Variants in PROM1 observed in about 807,000 individuals in gnomAD.
The protein encoded by PROM1 is prominin-1.
PROM1 carries 105 observed loss-of-function variants against 116.9 expected under a neutral mutation model. The observed-to-expected ratio is 0.90, with a 90% CI of 0.77 to 1.06. The LOEUF (loss-of-function observed/expected upper bound fraction) is 1.06. PROM1 is among the 50% of genes least tolerant of loss of function. The probability of loss-of-function intolerance (pLI) is 0.00; values close to 1 mark genes in which losing one functional copy is unlikely to be tolerated. For synonymous variants in PROM1, 393 were observed against 387.0 expected, an observed-to-expected ratio of 1.02 and a Z score of -0.18; for missense variants, 1,122 against 1,045.2, an observed-to-expected ratio of 1.07 and a Z score of -1.01.
intron 9 of PROM1, 98 bp from the exon 10 acceptor site, chr4:16,016,338 T>C: frequency 1.0e-6 from 1 of 961,952 alleles, no homozygotes. Context: ...TCCCAAAGCA[T>C]CTATACTACA....
chr4:16,024,156 G>A, intron 7 of PROM1, 139 bp downstream of exon 7: 1 of 739,112 alleles, frequency 1.4e-6, no homozygotes, highest in Non-Finnish European at 2.2e-6. Context: ...AGTAACAAAT[G>A]ACACATTGGC....
intron 2 of PROM1, among the ~76,000 whole-genome samples, chr4:16,046,237 C>T (rs1053523407): frequency 5.3e-5 from 8 of 152,164 alleles, no homozygotes; most frequent in African/African-American, 1.9e-4. Flanking sequence ...AAAATATAAA[C>T]ATTTACATGG....
chr4:15,981,001 G>A lies in PROM1; in HGVS notation c.2374-464C>T, dbSNP rs956582801. On this transcript the variant is annotated intron_variant, in intron 23 of 27. Transcript: ENST00000447510. Reference sequence around the variant, plus strand: ...ATTTTAGACAGAATCTCACTCTGTCGCCCAGGCTAGAGTGCAGTGGTGCGA... The same window carrying A: ...ATTTTAGACAGAATCTCACTCTGTCACCCAGGCTAGAGTGCAGTGGTGCGA... Among the ~76,000 whole-genome samples the A allele has an allele frequency of 2.2e-5, 3 of 138,368 alleles. No individual in the cohort carries two copies. In the South Asian group the frequency reaches 6.9e-4, roughly 32 times the overall value. The allele number at this position is 138,368 out of a possible 152,430, so 90.8% of individuals were successfully genotyped here. A position where few individuals can be genotyped will look rare whatever the true frequency, so the allele number is the denominator to read the frequency against.
chr4:15,980,718 C>T (rs969451501), intron 23 of PROM1, among the ~76,000 whole-genome samples, 181 bp from the exon 24 acceptor site: 1 of 150,622 alleles, frequency 6.6e-6, no homozygotes, highest in African/African-American at 2.4e-5. Flanking sequence ...GTGCTACGCA[C>T]ATTGTTAGGA....
chr4:15,991,117 G>T, intron 18 of PROM1, 105 bp downstream of exon 18: 1 of 850,524 alleles, frequency 1.2e-6, no homozygotes, highest in Non-Finnish European at 1.9e-6. Flanking sequence ...ATGAACAAGG[G>T]ATTACTCACA....
chr4:16,083,294 A>G (rs1480912581), intron 1 of PROM1: 1 of 150,402 alleles, frequency 6.6e-6, no homozygotes, highest in Admixed American at 6.6e-5. Context: ...CAGTTCGCAC[A>G]CTCACCTCCG....
chr4:16,033,748 C>T (rs943329325), intron 4 of PROM1, among the ~76,000 whole-genome samples: 1 of 151,872 alleles, frequency 6.6e-6, no homozygotes, highest in African/African-American at 2.4e-5. Flanking sequence ...CAGGGTTTCA[C>T]CATGTTGTCC....
chr4:16,069,953 T>A (rs1344952861), intron 2 of PROM1, among the ~76,000 whole-genome samples: 3 of 152,198 alleles, frequency 2.0e-5, no homozygotes, highest in African/African-American at 7.2e-5. Context: ...TTTGAACTAG[T>A]GGCCACCTGC....
chr4:16,047,237 C>G (rs1736765372), intron 2 of PROM1, among the ~76,000 whole-genome samples: 1 of 151,924 alleles, frequency 6.6e-6, no homozygotes, highest in African/African-American at 2.4e-5. Context: ...GAGAGAGAGT[C>G]TCTGTCGCCC....
At chr4:16,025,636 T>C (rs371455529) in intron 5 of PROM1, among the ~76,000 whole-genome samples, 12 of 152,318 alleles carry the variant, frequency 7.9e-5, no homozygotes, top group Middle Eastern at 3.4e-3. Context: ...GCATGCATGA[T>C]CCAGTCCCAT....
chr4:15,995,654 T>C (rs1722151304), intron 15 of PROM1, among the ~76,000 whole-genome samples: 2 of 152,148 alleles, frequency 1.3e-5, no homozygotes, highest in Non-Finnish European at 2.9e-5. Context: ...CCTACCTCCC[T>C]GCCTTTGTCT....
intron 5 of PROM1, among the ~76,000 whole-genome samples, chr4:16,030,666 A>G (rs1732464507): frequency 6.6e-6 from 1 of 152,240 alleles, no homozygotes; most frequent in Non-Finnish European, 1.5e-5. Context: ...CATAATGTAA[A>G]TAACTCAATC....
chr4:16,055,039 A>G (rs1738694509), intron 2 of PROM1, among the ~76,000 whole-genome samples: 1 of 152,204 alleles, frequency 6.6e-6, no homozygotes, highest in Non-Finnish European at 1.5e-5. Flanking sequence ...GAGACTGTTC[A>G]TTCCTTAAAG....
At chr4:16,032,399 T>C (rs1732920580) in intron 5 of PROM1, among the ~76,000 whole-genome samples, 1 of 152,210 alleles carries the variant, frequency 6.6e-6, no homozygotes. Context: ...CTTACTGTTT[T>C]CTGTTAAAAT....
rs543709238 is a variant in PROM1, at chr4:16,054,854, C to CG, written c.221-15854dup. ...CCTATAATGGTCAGTACTCGAGTTC[C>CG]GGGGGGGAAAAAAATCATCCCTATC... On this transcript the variant is annotated intron_variant, in intron 2 of 27. Coordinates refer to ENST00000447510, the MANE Select transcript of PROM1 (RefSeq NM_006017.3). 1.5e-3 allele frequency among the ~76,000 whole-genome samples: 225 copies of CG among 151,826 alleles called. 1 individual carries two copies. The highest frequency in any genetic ancestry group is 5.1e-3 in the African/African-American group (211 of 41,396).
chr4:16,013,446 AAC>A lies in PROM1; in HGVS notation c.1078-110_1078-109del, dbSNP rs2149274238. On this transcript the variant is annotated intron_variant, in intron 10 of 27. Transcript: ENST00000447510. ...GAGTAGAGAGGCAAAATAAAAATAT[AAC>A]ATTCATCTTAAGGGTGAAATGATCA... is the stretch of plus-strand genomic sequence containing the variant. The A allele has an allele frequency of 9.5e-6, 7 of 736,624 alleles. 1 individual carries two copies. In the South Asian group the frequency reaches 1.1e-4, roughly 12 times the overall value. 45.6% of individuals were successfully genotyped at this position (736,624 alleles called of 1,614,324 possible).
chr4:16,015,404 T>A (rs888961937), intron 10 of PROM1, among the ~76,000 whole-genome samples: 1 of 140,214 alleles, frequency 7.1e-6, no homozygotes, highest in Admixed American at 7.1e-5. Context: ...AAAAACTAAG[T>A]AGCGGCTGGG....
At chr4:15,996,326 A>G (rs1376465120) in intron 15 of PROM1, among the ~76,000 whole-genome samples, 1 of 152,210 alleles carries the variant, frequency 6.6e-6, no homozygotes, top group African/African-American at 2.4e-5. Context: ...CCTGACCAAC[A>G]TGGTGAAACC....
At chr4:16,013,783 T>G (rs1159119164) in intron 10 of PROM1, among the ~76,000 whole-genome samples, 2 of 152,044 alleles carry the variant, frequency 1.3e-5, no homozygotes, top group East Asian at 3.9e-4. Flanking sequence ...TACCCAACCA[T>G]GCACAGGAGA....
Sources: gnomAD v4.1 joint callset for allele counts (sites outside exome capture counted in the v4.1 genomes callset) on GRCh38, gnomAD v4.1.1 for gene constraint, MANE v1.5 for transcripts, NCBI Gene and HGNC (gene_info 2026-07-23, HGNC 2026-07-21) for gene names.